The following KATNIP variants were observed in gnomAD, a reference collection of about 807,000 sequenced individuals.
The protein encoded by KATNIP is katanin interacting protein, also known as katanin-interacting protein.
A neutral mutation model predicts 174.0 loss-of-function variants in KATNIP; 126 were observed. The ratio of observed to expected loss-of-function variants is 0.72; its 90% CI spans 0.63 to 0.84. The LOEUF is 0.84. KATNIP is among the 40% of genes least tolerant of loss of function. KATNIP has a pLI of 0.00. For synonymous variants in KATNIP, 810 were observed against 835.7 expected, an observed-to-expected ratio of 0.97 and a Z score of 0.53; for missense variants, 1,958 against 2,109.7, an observed-to-expected ratio of 0.93 and a Z score of 1.41.
At chr16:27,553,295 T>C (rs1311934935) in intron 1 of KATNIP, among the ~76,000 whole-genome samples, 1 of 152,204 alleles carries the variant, frequency 6.6e-6, no homozygotes. Flanking sequence ...ACTATCAAAC[T>C]CAAGGTAATG....
At chr16:27,650,538 C>T (rs1036323968) in intron 6 of KATNIP, among the ~76,000 whole-genome samples, 12 of 152,192 alleles carry the variant, frequency 7.9e-5, no homozygotes, top group African/African-American at 1.9e-4. Context: ...CTCTGGGCCC[C>T]GGCTGCATAT....
chr16:27,560,739 G>A (rs1239819096), intron 1 of KATNIP, among the ~76,000 whole-genome samples: 1 of 152,192 alleles, frequency 6.6e-6, no homozygotes, highest in Non-Finnish European at 1.5e-5. Context: ...CAGGCATTGT[G>A]TTGTATCACA....
At chr16:27,728,493 T>C (rs1183187508) in intron 14 of KATNIP, among the ~76,000 whole-genome samples, 1 of 152,204 alleles carries the variant, frequency 6.6e-6, no homozygotes, top group African/African-American at 2.4e-5. Flanking sequence ...TGCAGTGGCC[T>C]GATCTCAGCT....
At chr16:27,578,506 C>G in intron 2 of KATNIP, among the ~76,000 whole-genome samples, 1 of 152,132 alleles carries the variant, frequency 6.6e-6, no homozygotes, top group East Asian at 1.9e-4. Context: ...CCAAATAAAG[C>G]TCCAGGGAGT....
At position 27,749,626 on chromosome 16, in the gene KATNIP, G is replaced by C; in HGVS notation, c.2666G>C (p.Arg889Pro). 1 of 1,558,290 alleles carries C rather than the reference G, an allele frequency of 6.4e-7. No homozygotes were observed. Among genetic ancestry groups the C allele is most frequent in the Non-Finnish European group, 8.7e-7 (1 of 1,153,340 alleles). ...SSRTPSRSRW[R>P]SEQEHTLHES... ...AGGACGCCGTCACGGTCAAGGTGGC[G>C]CAGTGAGCAGGAGCACACACTTCAC... is the stretch of plus-strand genomic sequence containing the variant. Residue 889 changes from arginine to proline, a missense_variant, in exon 16 of 28, where the codon CGC becomes CCC. Arg to Pro is a moderately radical substitution (Grantham distance 103, BLOSUM62 -2). Transcript: ENST00000261588.
At chr16:27,730,508 G>A (rs1207787320) in intron 14 of KATNIP, among the ~76,000 whole-genome samples, 1 of 152,036 alleles carries the variant, frequency 6.6e-6, no homozygotes, top group African/African-American at 2.4e-5. Flanking sequence ...TGGCTCTCTG[G>A]CTCTTTCGTG....
chr16:27,741,793 T>C (rs1327645880), intron 15 of KATNIP, among the ~76,000 whole-genome samples: 2 of 152,006 alleles, frequency 1.3e-5, no homozygotes, highest in African/African-American at 4.8e-5. Context: ...TCCCAGCTAC[T>C]TGGGAGGCTG....
At chr16:27,579,330 A>G (rs1435009050) in intron 2 of KATNIP, among the ~76,000 whole-genome samples, 1 of 152,190 alleles carries the variant, frequency 6.6e-6, no homozygotes, top group East Asian at 1.9e-4. Flanking sequence ...TCCTGAGGCC[A>G]AGCAGCTCTG....
At chr16:27,586,171 G>A (rs891342241) in intron 2 of KATNIP, among the ~76,000 whole-genome samples, 1 of 152,088 alleles carries the variant, frequency 6.6e-6, no homozygotes, top group East Asian at 1.9e-4. Context: ...AATGCTTGAG[G>A]GGATGGATAC....
chr16:27,657,353 A>C (rs1597082298), intron 6 of KATNIP, among the ~76,000 whole-genome samples: 1 of 152,124 alleles, frequency 6.6e-6, no homozygotes, highest in African/African-American at 2.4e-5. Flanking sequence ...TAGGTTTTAC[A>C]TTTTTTCAAA....
At position 27,780,038 on chromosome 16, in the gene KATNIP, A is replaced by G. The variant is rs149633390; in HGVS notation, c.*1409A>G. 6.6e-6 allele frequency: 1 copy of G among 152,174 alleles called. No homozygotes were observed. Among genetic ancestry groups the G allele is most frequent in the African/African-American group, 2.4e-5 (1 of 41,488 alleles). The allele number at this position is 152,174 out of a possible 1,614,324, so 9.4% of individuals were successfully genotyped here. On this transcript the variant is annotated 3_prime_UTR_variant, in exon 28 of 28. Coordinates refer to ENST00000261588, the MANE Select transcript of KATNIP (RefSeq NM_015202.5). ...TTTCTCCAGCTTCCAAGCCCCCGGC[A>G]CCTCTGCTCAGCTCCCAGATGTGAC...
At chr16:27,682,385 A>C (rs1031789019) in intron 8 of KATNIP, among the ~76,000 whole-genome samples, 1 of 152,224 alleles carries the variant, frequency 6.6e-6, no homozygotes, top group Non-Finnish European at 1.5e-5. Context: ...TGCAAGTGGC[A>C]GCTGAGGCTT....
intron 18 of KATNIP, chr16:27,757,494 A>G (rs921148537): frequency 2.0e-6 from 2 of 985,278 alleles, no homozygotes; most frequent in Middle Eastern, 5.2e-4. Flanking sequence ...TTCCCCAAAG[A>G]TGCTGCCTGT....
chr16:27,751,686 G>C, intron 16 of KATNIP, 33 bp from the exon 17 acceptor site: 1 of 1,605,594 alleles, frequency 6.2e-7, no homozygotes, highest in African/African-American at 1.3e-5. Context: ...TGTGAAGTGA[G>C]TTGACCTTTC....
At position 27,751,711 on chromosome 16, in the gene KATNIP, C is replaced by T. The variant is rs778198216; in HGVS notation, c.3347-8C>T. On this transcript the variant is annotated splice_region_variant and splice_polypyrimidine_tract_variant and intron_variant, in intron 16 of 27. Coordinates refer to ENST00000261588, the MANE Select transcript of KATNIP (RefSeq NM_015202.5). ...GTTGACCTTTCTGTCATCTTGATAA[C>T]CCATTAGCCCCAGAGCACTTTGGAG... 3.7e-6 allele frequency: 6 copies of T among 1,613,806 alleles called. No homozygotes were observed. The highest frequency in any genetic ancestry group is 1.7e-5 in the Admixed American group (1 of 60,016).
chr16:27,618,718 G>A (rs961855583), intron 3 of KATNIP, among the ~76,000 whole-genome samples: 1 of 152,148 alleles, frequency 6.6e-6, no homozygotes, highest in Non-Finnish European at 1.5e-5. Flanking sequence ...TGCTCGATGT[G>A]TAAGTACCGC....
chr16:27,663,626 T>C (rs1333851302), intron 6 of KATNIP, among the ~76,000 whole-genome samples: 1 of 151,056 alleles, frequency 6.6e-6, no homozygotes, highest in African/African-American at 2.4e-5. Flanking sequence ...TTTTTTTTTT[T>C]TTTTGTATTT....
At chr16:27,648,881 A>G (rs1204692348) in intron 6 of KATNIP, 146 bp downstream of exon 6, 1 of 1,020,496 alleles carries the variant, frequency 9.8e-7, no homozygotes, top group Non-Finnish European at 1.4e-6. Context: ...TTCATTTCAC[A>G]CAGTTTGATG....
At chr16:27,588,276 T>G (rs1208072423) in intron 2 of KATNIP, among the ~76,000 whole-genome samples, 1 of 152,100 alleles carries the variant, frequency 6.6e-6, no homozygotes, top group East Asian at 1.9e-4. Context: ...GCATTATTCT[T>G]TTTAAAATGT....
Sources: allele counts gnomAD v4.1 joint callset (sites outside exome capture counted in the v4.1 genomes callset), GRCh38; gene constraint gnomAD v4.1.1; transcripts MANE v1.5; gene names NCBI Gene and HGNC (gene_info 2026-07-23, HGNC 2026-07-21).